The following MTERF4 variants were observed in gnomAD, a reference collection of about 807,000 sequenced individuals.
The protein encoded by MTERF4 is mitochondrial transcription termination factor 4.
In MTERF4, 17 loss-of-function variants were observed where a neutral mutation model predicts 22.5. The ratio of observed to expected loss-of-function variants is 0.75; its 90% CI spans 0.52 to 1.13. MTERF4 has a LOEUF of 1.13. MTERF4 is among the 50% of genes most tolerant of loss of function. The pLI is 0.00. For synonymous variants in MTERF4, 165 were observed against 175.3 expected (o/e 0.94, Z 0.47); for missense variants, 420 against 466.8 (o/e 0.90, Z 0.92).
chr2:241,062,520 T>C, the MTERF4 span, among the ~76,000 whole-genome samples: 1 of 152,180 alleles, frequency 6.6e-6, no homozygotes, highest in East Asian at 1.9e-4. Flanking sequence ...CCTGTCGGCC[T>C]GAACCACTGG....
the MTERF4 span, among the ~76,000 whole-genome samples, chr2:241,064,576 G>T: frequency 3.9e-5 from 6 of 152,206 alleles, no homozygotes; most frequent in African/African-American, 1.4e-4. This position sits in a 1 kb window ranked among gnomAD's most constrained non-coding sequence, Gnocchi z 7.0. Context: ...TGTCACTGGG[G>T]TGGTGGCCTG....
downstream of MTERF4, chr2:241,069,900 C>T: frequency 2.5e-6 from 4 of 1,607,350 alleles, no homozygotes; most frequent in African/African-American, 4.0e-5. This position sits in a 1 kb window ranked among gnomAD's most constrained non-coding sequence, Gnocchi z 4.9. Flanking sequence ...CTCACCTCTC[C>T]CTGCTCCTGC....
the MTERF4 span, chr2:241,052,521 G>C: frequency 1.4e-5 from 19 of 1,391,144 alleles, no homozygotes; most frequent in South Asian, 2.4e-5. Flanking sequence ...GTGCCAGGCA[G>C]GTGAGATGGC....
the MTERF4 span, chr2:241,065,377 G>C: frequency 6.2e-7 from 1 of 1,613,114 alleles, no homozygotes; most frequent in East Asian, 2.2e-5. Context: ...CCGCCCAATG[G>C]TCCAGCCGCC....
downstream of MTERF4, chr2:241,082,473 A>G (rs567286712): frequency 1.3e-6 from 1 of 758,352 alleles, no homozygotes; most frequent in South Asian, 1.9e-5. Context: ...CGATGGCTGC[A>G]GTCACAGAAG....
chr2:241,074,243 G>C (rs1416974648), exon 5 of MTERF4: 1 of 151,926 alleles, frequency 6.6e-6, no homozygotes, highest in Non-Finnish European at 1.5e-5. Flanking sequence ...CCTGCGGTGG[G>C]GTGTGTTTGC....
At chr2:241,101,144 G>A (rs1575200983) in intron 1 of MTERF4, 1 of 462,468 alleles carries the variant, frequency 2.2e-6, no homozygotes, top group East Asian at 7.1e-5. Context: ...AATATAAGAT[G>A]AAATAATTAT....
chr2:241,056,579 A>ATTTTTTTT, the MTERF4 span, among the ~76,000 whole-genome samples: 28 of 87,720 alleles, frequency 3.2e-4, no homozygotes, highest in African/African-American at 1.7e-3. Flanking sequence ...GAATAAGTGA[A>ATTTTTTTT]ATTTTTTTTT....
At chr2:241,093,322 T>G (rs1227267706), downstream of MTERF4, 2 of 152,654 alleles carry the variant, frequency 1.3e-5, no homozygotes, top group African/African-American at 4.8e-5. Context: ...GCTACAGCAT[T>G]ACTAGCAGAT....
At chr2:241,101,523 C>T (rs983427158) in intron 1 of MTERF4, among the ~76,000 whole-genome samples, 1 of 152,224 alleles carries the variant, frequency 6.6e-6, no homozygotes, top group Non-Finnish European at 1.5e-5. Context: ...GGTCCCAACC[C>T]CTTCTCCAGC....
chr2:241,071,832 C>T (rs369200392), downstream of MTERF4: 95 of 1,603,548 alleles, frequency 5.9e-5, no homozygotes, highest in South Asian at 1.0e-4. Flanking sequence ...GAAGAGTGAG[C>T]GCCAGGTTCG....
downstream of MTERF4, chr2:241,092,890 G>A (rs2064129949): frequency 1.3e-5 from 2 of 152,204 alleles, no homozygotes; most frequent in South Asian, 4.1e-4. This position sits in a 1 kb window ranked among gnomAD's most constrained non-coding sequence, Gnocchi z 4.6. Flanking sequence ...CTCTCGTGTT[G>A]AGCCTCACGA....
downstream of MTERF4, chr2:241,071,708 C>CCCCCCCCCCCCCGG: frequency 6.8e-7 from 1 of 1,474,116 alleles, no homozygotes; most frequent in Non-Finnish European, 9.1e-7. Flanking sequence ...GAGACCCCCA[C>CCCCCCCCCCCCCGG]CCAGCCCCCC....
At chr2:241,089,886 C>T (rs1019506516), downstream of MTERF4, 47 of 1,501,368 alleles carry the variant, frequency 3.1e-5, no homozygotes, top group Non-Finnish European at 2.7e-6. Context: ...TTACTGAATA[C>T]TGTAGGCGGT....
chr2:241,071,646 G>T, downstream of MTERF4: 1 of 1,573,734 alleles, frequency 6.4e-7, no homozygotes, highest in Non-Finnish European at 8.6e-7. Flanking sequence ...AGAACAGACC[G>T]CCCCCGGCGC....
downstream of MTERF4, chr2:241,089,261 G>A (rs2063753098): frequency 1.3e-6 from 2 of 1,533,190 alleles, no homozygotes. Flanking sequence ...TGCTCTTCCT[G>A]CCCCTTATAG....
Position 241,096,611 on chromosome 2 carries a change from A to C in MTERF4, c.706-173T>G. 1.3e-6 allele frequency: 1 copy of C among 756,142 alleles called. No individual in the cohort carries two copies. The highest frequency in any genetic ancestry group is 2.7e-5 in the East Asian group (1 of 37,138). 46.8% of individuals were successfully genotyped at this position (756,142 alleles called of 1,614,324 possible). Reference sequence around the variant, plus strand: ...TTTGTGTGACAGCCAGCAGTTTCAAAACACTTTCAAATTCATCCTGAGAAA... The same window carrying C: ...TTTGTGTGACAGCCAGCAGTTTCAACACACTTTCAAATTCATCCTGAGAAA... On this transcript the variant is annotated intron_variant, in intron 3 of 3. Coordinates refer to ENST00000391980, the MANE Select transcript of MTERF4 (RefSeq NM_182501.4). The surrounding 1 kb of genome is among the most constrained non-coding windows in gnomAD (Gnocchi z 5.1).
At chr2:241,088,662 C>A (rs911486248), downstream of MTERF4, 11 of 497,016 alleles carry the variant, frequency 2.2e-5, no homozygotes, top group Non-Finnish European at 3.9e-5. Flanking sequence ...GGGCAAATCC[C>A]ACTCTCTCTC....
chr2:241,059,547 T>G, the MTERF4 span, among the ~76,000 whole-genome samples: 2 of 152,186 alleles, frequency 1.3e-5, no homozygotes, highest in Non-Finnish European at 2.9e-5. Context: ...AAAATATTAC[T>G]AAGTCAAGCT....
Sources: gnomAD v4.1 joint callset for allele counts (sites outside exome capture counted in the v4.1 genomes callset) on GRCh38, gnomAD v4.1.1 for gene constraint, Gnocchi (gnomAD v3.1) non-coding constraint, MANE v1.5 for transcripts, NCBI Gene and HGNC (gene_info 2026-07-23, HGNC 2026-07-21) for gene names.